Variants in SALL4 observed in about 807,000 individuals in gnomAD.
SALL4 encodes the protein sal-like protein 4.
Under a neutral mutation model 60.8 loss-of-function variants are expected in SALL4, and 4 were observed. The observed-to-expected ratio is 0.07, with a 90% CI of 0.03 to 0.15. The LOEUF is 0.15. Among genes scored for constraint, SALL4 ranks in the 10% least tolerant of loss-of-function variants. The pLI is 1.00. For missense variants in SALL4, 1,178 were observed against 1,394.7 expected (o/e 0.84, Z 2.48); for synonymous variants, 580 against 574.9 (o/e 1.01, Z -0.13).
chr20:51,798,870 C>CA (rs529809634), intron 1 of SALL4, among the ~76,000 whole-genome samples: 33 of 145,116 alleles, frequency 2.3e-4, no homozygotes, highest in Middle Eastern at 7.5e-3. Context: ...CAAAACAAAA[C>CA]AAAACAAAAA....
intron 1 of SALL4, among the ~76,000 whole-genome samples, chr20:51,793,456 G>A (rs2078061974): frequency 6.6e-6 from 1 of 152,136 alleles, no homozygotes; most frequent in African/African-American, 2.4e-5. Context: ...GTGAGACCCT[G>A]TCTGGAAAAA....
Position 51,791,032 on chromosome 20 carries a change from C to T in SALL4, c.1451G>A (p.Gly484Glu). Residue 484 changes from glycine to glutamate, a missense_variant, in exon 2 of 4, where the codon GGG becomes GAG. By Grantham distance (98) the Gly-to-Glu change is moderately conservative. Coordinates refer to ENST00000217086, the MANE Select transcript of SALL4 (RefSeq NM_020436.5). This position sits in a 1 kb window ranked among gnomAD's most constrained non-coding sequence, Gnocchi z 4.6. The part of the protein sequence containing the change: ...SKPVLVTTSV[G>E]LPQNLSSGTN... The stretch of plus-strand genomic sequence containing the variant: ...CCCCGAAGAAAGATTCTGAGGTAGC[C>T]CTACAGAGGTGGTTACAAGGACAGG... The T allele has an allele frequency of 6.2e-7, 1 of 1,614,102 alleles. No individual in the cohort carries two copies. Among genetic ancestry groups the T allele is most frequent in the Non-Finnish European group, 8.5e-7 (1 of 1,180,020 alleles).
rs2077967476 is a variant in SALL4 at position 51,783,436 on chromosome 20, A to AG, written c.*828_*829insC. The AG allele has an allele frequency of 6.6e-6, 1 of 151,980 alleles. No individual in the cohort carries two copies. Among genetic ancestry groups the AG allele is most frequent in the Non-Finnish European group, 1.5e-5 (1 of 68,016 alleles). 9.4% of individuals were successfully genotyped at this position (151,980 alleles called of 1,614,324 possible). On this transcript the variant is annotated 3_prime_UTR_variant, in exon 4 of 4. Transcript: ENST00000217086. Reference sequence around the variant, plus strand: ...CTTTTTTAAGTACATTCAAAAAAAAACAATAAGATGGGGACAGGGTTGGGG... The same window carrying AG: ...CTTTTTTAAGTACATTCAAAAAAAAAGCAATAAGATGGGGACAGGGTTGGGG...
chr20:51,787,683 T>C (rs1365826804), intron 3 of SALL4, among the ~76,000 whole-genome samples: 1 of 152,178 alleles, frequency 6.6e-6, no homozygotes, highest in Non-Finnish European at 1.5e-5. Context: ...ATGAATTTAA[T>C]TTTTGTAGAG....
At chr20:51,797,481 C>T (rs1391793172) in intron 1 of SALL4, 1 of 152,178 alleles carries the variant, frequency 6.6e-6, no homozygotes, top group Admixed American at 6.5e-5. Context: ...CCACCAGCAA[C>T]ATCCCACTTG....
Position 51,788,945 on chromosome 20 carries a change from C to G in SALL4, c.2658G>C (p.Gln886His), listed in dbSNP as rs915313256. 2.5e-6 allele frequency: 4 copies of G among 1,614,220 alleles called. No individual in the cohort carries two copies. Among genetic ancestry groups the G allele is most frequent in the South Asian group, 1.1e-5 (1 of 91,078 alleles). Residue 886 changes from glutamine to histidine, a missense_variant, in exon 3 of 4, where the codon CAG (glutamine) becomes CAC (histidine). Around this residue, in one of 5 missense-constraint regions of SALL4, gnomAD observed 37 missense variants for 73.5 expected, o/e 0.50. Transcript: ENST00000217086. This position sits in a 1 kb window ranked among gnomAD's most constrained non-coding sequence, Gnocchi z 4.1. ...CTCCAGTGTGAGTCCGCTCGTGGAT[C>G]TGAAGAGCGCTAGCAGACGAGAAGT... is the stretch of plus-strand genomic sequence containing the variant. Reference protein sequence around the residue: ...GKNFSSASALQIHERTHTGEK... With the variant: ...GKNFSSASALHIHERTHTGEK...
Position 51,784,815 on chromosome 20 carries a change from C to T in SALL4, c.2743-131G>A, listed in dbSNP as rs980285906. ...CATATAGATGATCCTTGACTTACAG[C>T]GGGGTTATGCCCAGATAAACTGATT... On this transcript the variant is annotated intron_variant, in intron 3 of 3. Coordinates refer to ENST00000217086, the MANE Select transcript of SALL4 (RefSeq NM_020436.5). 2.6e-5 allele frequency: 27 copies of T among 1,056,716 alleles called. No individual in the cohort carries two copies. The African/African-American group carries it at 3.9e-4, about 15-fold the overall frequency. The allele number at this position is 1,056,716 out of a possible 1,614,324, so 65.5% of individuals were successfully genotyped here.
Position 51,790,928 on chromosome 20 carries a change from G to C in SALL4, c.1555C>G (p.Pro519Ala). 1 of 1,614,114 alleles carries C rather than the reference G, an allele frequency of 6.2e-7. No homozygotes were observed. Among genetic ancestry groups the C allele is most frequent in the Non-Finnish European group, 8.5e-7 (1 of 1,180,010 alleles). Residue 519 changes from proline (P) to alanine (A), a missense_variant, in exon 2 of 4, where the codon CCC becomes GCC. Pro to Ala is a conservative substitution (Grantham distance 27). Around this residue, in one of 5 missense-constraint regions of SALL4, gnomAD observed 853 missense variants for 1,036.8 expected, o/e 0.82. Coordinates refer to ENST00000217086, the MANE Select transcript of SALL4 (RefSeq NM_020436.5). The surrounding 1 kb of genome is among the most constrained non-coding windows in gnomAD (Gnocchi z 5.5). ...TTTGGTCCCACCCCAGGGAGTGTGG[G>C]TCCACCCTCACTTTCTGGAGAAGGC... ...PGPSPESEGG[P>A]TLPGVGPNYN...
At position 51,784,130 on chromosome 20, in the gene SALL4, G is replaced by A; in HGVS notation, c.*135C>T. ...ATTGTAGCACTTGCCTGAGGTTGTGGTCACAACCAACGTAGTAAACATCAT... is the reference window on the plus strand; with the variant it reads ...ATTGTAGCACTTGCCTGAGGTTGTGATCACAACCAACGTAGTAAACATCAT... On this transcript the variant is annotated 3_prime_UTR_variant, in exon 4 of 4. Transcript: ENST00000217086. The A allele has an allele frequency of 2.9e-6, 3 of 1,050,040 alleles. No homozygotes were observed. The highest frequency in any genetic ancestry group is 4.3e-6 in the Non-Finnish European group (3 of 698,872). The allele number at this position is 1,050,040 out of a possible 1,614,324, so 65.0% of individuals were successfully genotyped here. A position where few individuals can be genotyped will look rare whatever the true frequency, so the allele number is the denominator to read the frequency against.
Position 51,802,498 on chromosome 20 carries a change from C to T in SALL4, c.-90G>A, listed in dbSNP as rs2078117682. 1.9e-6 allele frequency: 3 copies of T among 1,583,504 alleles called. No homozygotes were observed. Among genetic ancestry groups the T allele is most frequent in the Admixed American group, 3.6e-5 (2 of 55,452 alleles). ...GTTGGGAAATTTACCCCCCTTCGGCCGGAACGCGCATGTCCCAGTAATTAT... is the reference window on the plus strand; with the variant it reads ...GTTGGGAAATTTACCCCCCTTCGGCTGGAACGCGCATGTCCCAGTAATTAT... On this transcript the variant is annotated 5_prime_UTR_variant, in exon 1 of 4. Coordinates refer to ENST00000217086, the MANE Select transcript of SALL4 (RefSeq NM_020436.5).
At chr20:51,799,286 C>CA (rs923600806) in intron 1 of SALL4, among the ~76,000 whole-genome samples, 8 of 151,922 alleles carry the variant, frequency 5.3e-5, no homozygotes, top group African/African-American at 1.9e-4. Flanking sequence ...TCAGAAAAAA[C>CA]AAAAAAACAG....
At chr20:51,793,624 T>C (rs989326370) in intron 1 of SALL4, among the ~76,000 whole-genome samples, 1 of 152,152 alleles carries the variant, frequency 6.6e-6, no homozygotes, top group African/African-American at 2.4e-5. Context: ...AGATGGGGTT[T>C]CACCATGTTG....
Position 51,790,997 on chromosome 20 carries a change from T to G in SALL4, c.1486A>C (p.Lys496Gln), listed in dbSNP as rs748472521. The change falls in exon 2 of 4, where the codon AAG becomes CAG. Residue 496 changes from lysine to glutamine, a missense_variant. Around this residue, in one of 5 missense-constraint regions of SALL4, gnomAD observed 853 missense variants for 1,036.8 expected, o/e 0.82. Coordinates refer to ENST00000217086, the MANE Select transcript of SALL4 (RefSeq NM_020436.5). The surrounding 1 kb of genome is among the most constrained non-coding windows in gnomAD (Gnocchi z 5.5). Reference sequence around the variant, plus strand: ...GGCAAGGAGCCACCCGTGAGGTCCTTGGGATTAGTCCCCGAAGAAAGATTC... The same window carrying G: ...GGCAAGGAGCCACCCGTGAGGTCCTGGGGATTAGTCCCCGAAGAAAGATTC... ...PQNLSSGTNP[K>Q]DLTGGSLPGD... is the part of the protein sequence containing the mutation. The G allele has an allele frequency of 6.2e-7, 1 of 1,614,148 alleles. No homozygotes were observed. Among genetic ancestry groups the G allele is most frequent in the Non-Finnish European group, 8.5e-7 (1 of 1,180,006 alleles).
chr20:51,792,830 C>G, intron 1 of SALL4: 1 of 1,034,756 alleles, frequency 9.7e-7, no homozygotes, highest in Non-Finnish European at 1.2e-6. Flanking sequence ...TGCTGGGGTC[C>G]TTCACATGAT....
rs935363254 is a variant in SALL4 at position 51,801,146 on chromosome 20, A to T, written c.130+1133T>A. 2.0e-5 allele frequency among the ~76,000 whole-genome samples: 3 copies of T among 151,898 alleles called. No individual in the cohort carries two copies. Among genetic ancestry groups the T allele is most frequent in the South Asian group, 2.1e-4 (1 of 4,796 alleles). On this transcript the variant is annotated intron_variant, in intron 1 of 3. Transcript: ENST00000217086. The surrounding 1 kb of genome is among the most constrained non-coding windows in gnomAD (Gnocchi z 5.2). Reference sequence around the variant, plus strand: ...CCCTCCCCCCACGCGCACGCTAAAAACTTATCAGGCGACAATTTGGCGGGC... The same window carrying T: ...CCCTCCCCCCACGCGCACGCTAAAATCTTATCAGGCGACAATTTGGCGGGC...
chr20:51,795,256 A>C (rs890317637), intron 1 of SALL4, among the ~76,000 whole-genome samples: 1 of 152,090 alleles, frequency 6.6e-6, no homozygotes, highest in African/African-American at 2.4e-5. Context: ...CAATACAAAA[A>C]ATTAGCCGAG....
In SALL4 at chr20:51,792,187, G is replaced by A. The variant is rs764773341; in HGVS notation, c.296C>T (p.Pro99Leu). The A allele has an allele frequency of 7.4e-6, 12 of 1,614,166 alleles. No homozygotes were observed. The Admixed American group carries it at 1.3e-4, about 18-fold the overall frequency. ...CTCGCTGTCATTCATGATGAGGACA[G>A]GTGGATTTTTAGTGCAATTTTTCTT... ...EHKKNCTKNP[P>L]VLIMNDSEGP... Residue 99 changes from proline to leucine, a missense_variant, in exon 2 of 4, where the codon CCT (proline) becomes CTT (leucine). By Grantham distance (98) the Pro-to-Leu change is moderately conservative. This residue lies in a region of SALL4 where 853 missense variants were observed against 1,036.8 expected (regional missense o/e 0.82). Transcript: ENST00000217086.
In SALL4 at chr20:51,784,111, G is replaced by T; in HGVS notation, c.*154C>A. 1 of 818,674 alleles carries T rather than the reference G, an allele frequency of 1.2e-6. No homozygotes were observed. The highest frequency in any genetic ancestry group is 2.0e-6 in the Non-Finnish European group (1 of 505,208). 50.7% of individuals were successfully genotyped at this position (818,674 alleles called of 1,614,324 possible). On this transcript the variant is annotated 3_prime_UTR_variant, in exon 4 of 4. Coordinates refer to ENST00000217086, the MANE Select transcript of SALL4 (RefSeq NM_020436.5). ...CAGCATAGCAACAATCGTGATTGTA[G>T]CACTTGCCTGAGGTTGTGGTCACAA...
Position 51,783,898 on chromosome 20 carries a change from T to G in SALL4, c.*367A>C, listed in dbSNP as rs1480744413. The G allele has an allele frequency of 3.5e-6, 1 of 286,872 alleles. No homozygotes were observed. The highest frequency in any genetic ancestry group is 6.7e-6 in the Non-Finnish European group (1 of 149,052). 17.8% of individuals were successfully genotyped at this position (286,872 alleles called of 1,614,324 possible). ...AGCCGGGCGTGGTGGCACCTGCCTGTAATCCCAGCTACTCTGGAGGCTAAG... is the reference window on the plus strand; with the variant it reads ...AGCCGGGCGTGGTGGCACCTGCCTGGAATCCCAGCTACTCTGGAGGCTAAG... On this transcript the variant is annotated 3_prime_UTR_variant, in exon 4 of 4. Coordinates refer to ENST00000217086, the MANE Select transcript of SALL4 (RefSeq NM_020436.5).
Sources: allele counts gnomAD v4.1 joint callset (sites outside exome capture counted in the v4.1 genomes callset), GRCh38; gene constraint gnomAD v4.1.1; regional missense constraint gnomAD v4.1.1; non-coding constraint Gnocchi (gnomAD v3.1); transcripts MANE v1.5; gene names NCBI Gene and HGNC (gene_info 2026-07-23, HGNC 2026-07-21).